The following RTN1 variants were observed in gnomAD, a reference collection of about 807,000 sequenced individuals.
RTN1 encodes reticulon-1.
In RTN1, 25 loss-of-function variants were observed where a neutral mutation model predicts 65.5. The ratio of observed to expected loss-of-function variants is 0.38; its 90% confidence interval spans 0.28 to 0.53. The LOEUF is 0.53. RTN1 is among the 20% of genes least tolerant of loss of function. The pLI, the probability that RTN1 is intolerant of heterozygous loss-of-function variation, is 0.79. For synonymous variants in RTN1, 471 were observed against 447.6 expected (o/e 1.05, Z -0.66); for missense variants, 983 against 1,025.4 (o/e 0.96, Z 0.57).
intron 3 of RTN1, among the ~76,000 whole-genome samples, chr14:59,653,494 T>C (rs1279613380): frequency 1.3e-5 from 2 of 152,126 alleles, no homozygotes; most frequent in South Asian, 2.1e-4. Flanking sequence ...TTTTGGTGTA[T>C]GTAATAGACT....
intron 1 of RTN1, among the ~76,000 whole-genome samples, chr14:59,830,314 G>A (rs1209560965): frequency 6.6e-6 from 1 of 152,198 alleles, no homozygotes; most frequent in Admixed American, 6.5e-5. Context: ...AGTGCTTTCT[G>A]TAAGATTATC....
intron 1 of RTN1, among the ~76,000 whole-genome samples, chr14:59,800,004 A>G (rs1391311859): frequency 6.6e-6 from 1 of 152,206 alleles, no homozygotes; most frequent in Non-Finnish European, 1.5e-5. Flanking sequence ...CCTGGCAAAA[A>G]GTAATAAGCA....
intron 1 of RTN1, among the ~76,000 whole-genome samples, chr14:59,843,042 A>T (rs1887342154): frequency 6.6e-6 from 1 of 152,248 alleles, no homozygotes; most frequent in African/African-American, 2.4e-5. Flanking sequence ...GAATGTTCAT[A>T]GCAGTTGTAT....
chr14:59,825,356 T>C lies in RTN1; in HGVS notation c.241+45034A>G, dbSNP rs1887012979. On this transcript the variant is annotated intron_variant, in intron 1 of 8. Coordinates refer to ENST00000267484, the MANE Select transcript of RTN1 (RefSeq NM_021136.3). This position sits in a 1 kb window ranked among gnomAD's most constrained non-coding sequence, Gnocchi z 4.2. ...TTTGTTTACCAGCCCCAATATGGTT[T>C]AGGCAACAACTGTTCTGCTGCTTCT... 6.6e-6 allele frequency among the ~76,000 whole-genome samples: 1 copy of C among 152,268 alleles called. No individual in the cohort carries two copies. Among genetic ancestry groups the C allele is most frequent in the South Asian group, 2.1e-4 (1 of 4,832 alleles).
intron 3 of RTN1, among the ~76,000 whole-genome samples, chr14:59,722,339 T>C (rs557656795): frequency 6.6e-6 from 1 of 152,142 alleles, no homozygotes; most frequent in East Asian, 1.9e-4. Flanking sequence ...AGCAAGAGAT[T>C]TGAGAAGTGT....
Position 59,819,408 on chromosome 14 carries a change from ACCACCACCCCCCCCCCACCCCCCACC to A in RTN1, c.241+50956_241+50981del, listed in dbSNP as rs1886886616. Among the ~76,000 whole-genome samples, 12 of 18,758 alleles carry A rather than the reference ACCACCACCCCCCCCCCACCCCCCACC, an allele frequency of 6.4e-4. 3 individuals are homozygous for A. The highest frequency in any genetic ancestry group is 5.0e-3 in the African/African-American group (8 of 1,614). The allele number at this position is 18,758 out of a possible 152,430, so 12.3% of individuals were successfully genotyped here. A position where few individuals can be genotyped will look rare whatever the true frequency, so the allele number is the denominator to read the frequency against. On this transcript the variant is annotated intron_variant, in intron 1 of 8. Coordinates refer to ENST00000267484, the MANE Select transcript of RTN1 (RefSeq NM_021136.3). ...GAGAGCTGATTGGTGCATCCACACC[ACCACCACCCCCCCCCCACCCCCCACC>A]CCCCCCCCCCGGCCACAGCTAGACA... is the stretch of plus-strand genomic sequence containing the variant.
At chr14:59,719,629 T>C (rs1025702071) in intron 3 of RTN1, among the ~76,000 whole-genome samples, 7 of 152,182 alleles carry the variant, frequency 4.6e-5, no homozygotes, top group Non-Finnish European at 8.8e-5. Flanking sequence ...TTGAGTGAAA[T>C]TTATGTATTG....
intron 1 of RTN1, among the ~76,000 whole-genome samples, chr14:59,819,566 T>C (rs1461192929): frequency 1.3e-5 from 2 of 151,548 alleles, no homozygotes; most frequent in Non-Finnish European, 2.9e-5. Context: ...GGGCCGTGGG[T>C]GGAGCTGCCC....
intron 3 of RTN1, among the ~76,000 whole-genome samples, chr14:59,720,253 A>T (rs895625128): frequency 1.9e-4 from 10 of 52,108 alleles, no homozygotes; most frequent in Non-Finnish European, 3.3e-4. Context: ...CCACCATTTT[A>T]AAAAAAAAAC....
At position 59,865,182 on chromosome 14, in the gene RTN1, C is replaced by T. The variant is rs149952016; in HGVS notation, c.241+5208G>A. On this transcript the variant is annotated intron_variant, in intron 1 of 8. Transcript: ENST00000267484. ...GGTCTATGAATATTTAGCATAATAA[C>T]ACATTCTTAGATTCTACCAGCAGTC... Among the ~76,000 whole-genome samples, 471 of 152,220 alleles carry T rather than the reference C, an allele frequency of 3.1e-3. 1 individual carries two copies. Among genetic ancestry groups the T allele is most frequent in the African/African-American group, 0.01 (418 of 41,542 alleles).
chr14:59,605,081 G>A lies in RTN1; in HGVS notation c.2112+287C>T, dbSNP rs568947551. 3 of 236,882 alleles carry A rather than the reference G, an allele frequency of 1.3e-5. No individual in the cohort carries two copies. In the Admixed American group the frequency reaches 1.7e-4, roughly 13 times the overall value. 14.7% of individuals were successfully genotyped at this position (236,882 alleles called of 1,614,324 possible). ...TAAAAATGGTTTAAGGAGACAATCT[G>A]GTGTGTTGTAAAGACTATAGAGCTA... On this transcript the variant is annotated intron_variant, in intron 5 of 8. Transcript: ENST00000267484.
intron 3 of RTN1, among the ~76,000 whole-genome samples, chr14:59,636,012 A>G (rs1882658218): frequency 6.6e-6 from 1 of 152,212 alleles, no homozygotes; most frequent in Admixed American, 6.5e-5. Context: ...ATCTAAATAT[A>G]TCTAACTTGT....
chr14:59,853,246 C>T (rs1887541515), intron 1 of RTN1, among the ~76,000 whole-genome samples: 1 of 152,144 alleles, frequency 6.6e-6, no homozygotes, highest in African/African-American at 2.4e-5. Context: ...ACCCCTCTGT[C>T]ACAGGCATGA....
intron 1 of RTN1, among the ~76,000 whole-genome samples, chr14:59,835,421 T>G (rs1887197118): frequency 6.6e-6 from 1 of 152,164 alleles, no homozygotes; most frequent in Non-Finnish European, 1.5e-5. Context: ...CAGGTCAAAG[T>G]TATTGTACCC....
intron 1 of RTN1, among the ~76,000 whole-genome samples, chr14:59,772,173 T>A (rs572273128): frequency 6.6e-6 from 1 of 152,354 alleles, no homozygotes; most frequent in South Asian, 2.1e-4. Context: ...CAGAATATTT[T>A]AAAAATCTGT....
At chr14:59,781,495 G>T (rs759637561) in intron 1 of RTN1, among the ~76,000 whole-genome samples, 1 of 151,992 alleles carries the variant, frequency 6.6e-6, no homozygotes, top group Non-Finnish European at 1.5e-5. Flanking sequence ...CTCTAATTGG[G>T]ATATAATTCT....
chr14:59,625,856 A>C (rs1882381929), intron 3 of RTN1, among the ~76,000 whole-genome samples: 1 of 152,152 alleles, frequency 6.6e-6, no homozygotes, highest in South Asian at 2.1e-4. Context: ...TTTATTTTTC[A>C]ATGGAGTGAT....
chr14:59,644,231 T>C (rs544501708), intron 3 of RTN1, among the ~76,000 whole-genome samples: 1 of 152,256 alleles, frequency 6.6e-6, no homozygotes, highest in Non-Finnish European at 1.5e-5. Context: ...CAGGTACATG[T>C]ATTAGGATTC....
chr14:59,616,000 T>C (rs1239368743), intron 3 of RTN1, among the ~76,000 whole-genome samples: 1 of 152,172 alleles, frequency 6.6e-6, no homozygotes, highest in African/African-American at 2.4e-5. Flanking sequence ...ACCTTTGATA[T>C]TTAACAAACT....
Sources: allele counts gnomAD v4.1 joint callset (sites outside exome capture counted in the v4.1 genomes callset), GRCh38; gene constraint gnomAD v4.1.1; non-coding constraint Gnocchi (gnomAD v3.1); transcripts MANE v1.5; gene names NCBI Gene and HGNC (gene_info 2026-07-23, HGNC 2026-07-21).